Variants in MICU1 observed in about 807,000 individuals in gnomAD.
MICU1 encodes the protein calcium uptake protein 1, mitochondrial.
Under a neutral mutation model 56.8 loss-of-function variants are expected in MICU1, and 45 were observed. The ratio of observed to expected loss-of-function variants is 0.79; its 90% CI spans 0.62 to 1.02. MICU1 has a LOEUF of 1.02. Ranked by LOEUF, MICU1 falls within the 50% of genes least tolerant of loss-of-function variation. The probability of loss-of-function intolerance (pLI) is 0.00; values close to 1 mark genes in which losing one functional copy is unlikely to be tolerated. For missense variants in MICU1, 504 were observed against 587.1 expected (o/e 0.86, Z 1.46); for synonymous variants, 186 against 195.1 (o/e 0.95, Z 0.39).
In MICU1 at chr10:72,441,906, C is replaced by G. The variant is rs377067104; in HGVS notation, c.934-18535G>C. ...ATGCTAGGATTATAGGCGTGAGCCA[C>G]CACACCCGGTCTCAAGTCAATATCT... is the stretch of plus-strand genomic sequence containing the variant. On this transcript the variant is annotated intron_variant, in intron 8 of 11. Coordinates refer to ENST00000361114, the MANE Select transcript of MICU1 (RefSeq NM_001195518.2). Among the ~76,000 whole-genome samples, 4 of 152,224 alleles carry G rather than the reference C, an allele frequency of 2.6e-5. No homozygotes were observed. In the East Asian group the frequency reaches 5.8e-4, roughly 22 times the overall value.
chr10:72,502,103 G>C (rs1301398055), intron 6 of MICU1, among the ~76,000 whole-genome samples: 1 of 151,232 alleles, frequency 6.6e-6, no homozygotes, highest in African/African-American at 2.4e-5. Context: ...CAAAATGATG[G>C]CGATTTCTTG....
intron 8 of MICU1, among the ~76,000 whole-genome samples, chr10:72,433,871 C>T (rs543234611): frequency 3.3e-5 from 5 of 152,120 alleles, no homozygotes; most frequent in South Asian, 2.1e-4. Flanking sequence ...CAATCAATGA[C>T]GATGATTAAA....
At chr10:72,475,387 T>G in intron 7 of MICU1, 90 bp from the exon 8 acceptor site, 2 of 1,200,976 alleles carry the variant, frequency 1.7e-6, no homozygotes, top group Non-Finnish European at 2.3e-6. Flanking sequence ...TATTGTTTAC[T>G]ATTTGCCTAC....
intron 4 of MICU1, among the ~76,000 whole-genome samples, chr10:72,536,403 G>C (rs1283762072): frequency 1.3e-5 from 2 of 152,084 alleles, no homozygotes; most frequent in African/African-American, 4.8e-5. Context: ...CTGGAGTGCA[G>C]TGGCATGATC....
chr10:72,570,855 G>A (rs755471461), intron 1 of MICU1, among the ~76,000 whole-genome samples: 1 of 151,462 alleles, frequency 6.6e-6, no homozygotes, highest in African/African-American at 2.4e-5. Flanking sequence ...CTTCCTGTCT[G>A]GCAACTTCTG....
intron 8 of MICU1, 36 bp downstream of exon 8, chr10:72,475,064 C>T: frequency 6.4e-7 from 1 of 1,565,714 alleles, no homozygotes; most frequent in South Asian, 1.2e-5. Context: ...ATCAGTTCCA[C>T]ATGTGATGGA....
chr10:72,510,983 T>C (rs112307431), intron 5 of MICU1, among the ~76,000 whole-genome samples: 4,201 of 152,312 alleles, frequency 0.028, 182 homozygotes, highest in African/African-American at 0.095. Context: ...ATTTCCTTTA[T>C]AGCTATTTTC....
chr10:72,601,035 AG>A (rs1241719370), intron 1 of MICU1, among the ~76,000 whole-genome samples: 2 of 152,218 alleles, frequency 1.3e-5, no homozygotes, highest in Non-Finnish European at 2.9e-5. Flanking sequence ...TGATCAGGAA[AG>A]GGTACACAGG....
chr10:72,407,479 A>C (rs574756734), intron 10 of MICU1, among the ~76,000 whole-genome samples: 15 of 152,334 alleles, frequency 9.8e-5, no homozygotes, highest in African/African-American at 3.4e-4. Context: ...CTATGAAGTA[A>C]GCCAAAGGAG....
chr10:72,434,861 A>G (rs1475697242), intron 8 of MICU1, among the ~76,000 whole-genome samples: 4 of 152,160 alleles, frequency 2.6e-5, no homozygotes, highest in Non-Finnish European at 5.9e-5. Flanking sequence ...ATCAGCATTC[A>G]TAAGAGAGTT....
Position 72,577,367 on chromosome 10 carries a change from G to A in MICU1, c.-1-10573C>T, listed in dbSNP as rs141700486. On this transcript the variant is annotated intron_variant, in intron 1 of 11. Coordinates refer to ENST00000361114, the MANE Select transcript of MICU1 (RefSeq NM_001195518.2). ...TCTACTAAAAATACAAAATTAGCCA[G>A]GCATGGTGGCACATGCCTGTAATCC... Among the ~76,000 whole-genome samples the A allele has an allele frequency of 7.6e-3, 1,163 of 152,100 alleles. 17 individuals are homozygous for A. The highest frequency in any genetic ancestry group is 0.026 in the African/African-American group (1,098 of 41,478).
In MICU1 at chr10:72,463,156, C is replaced by T. The variant is rs371283470; in HGVS notation, c.933+11944G>A. ...TCGGCTCACTGCAACCTCCGCCTTC[C>T]GGGTTCAAGCGATTGTCCTGCCTCA... On this transcript the variant is annotated intron_variant, in intron 8 of 11. Coordinates refer to ENST00000361114, the MANE Select transcript of MICU1 (RefSeq NM_001195518.2). Among the ~76,000 whole-genome samples, 189 of 152,158 alleles carry T rather than the reference C, an allele frequency of 1.2e-3. 3 individuals carry two copies. The South Asian group carries it at 0.037, about 30-fold the overall frequency.
chr10:72,412,012 A>T (rs907166092), intron 9 of MICU1, among the ~76,000 whole-genome samples: 27 of 152,316 alleles, frequency 1.8e-4, no homozygotes, highest in African/African-American at 6.5e-4. Flanking sequence ...CTTACTAATC[A>T]CTTATCATTA....
At position 72,566,840 on chromosome 10, in the gene MICU1, T is replaced by C. The variant is rs374349794; in HGVS notation, c.-1-46A>G. Reference sequence around the variant, plus strand: ...TGTCACTCTTAGCTAGTGGTAGTTATGATGATGATGATGATGATCCTACCA... The same window carrying C: ...TGTCACTCTTAGCTAGTGGTAGTTACGATGATGATGATGATGATCCTACCA... On this transcript the variant is annotated intron_variant, in intron 1 of 11. Transcript: ENST00000361114. 1.2e-4 allele frequency: 144 copies of C among 1,154,622 alleles called. No individual in the cohort carries two copies. The African/African-American group carries it at 2.1e-3, about 17-fold the overall frequency. 71.5% of individuals were successfully genotyped at this position (1,154,622 alleles called of 1,614,324 possible).
intron 1 of MICU1, among the ~76,000 whole-genome samples, chr10:72,622,864 G>A (rs914998736): frequency 2.6e-5 from 4 of 152,030 alleles, no homozygotes; most frequent in Admixed American, 6.6e-5. Context: ...TATCTTAAAA[G>A]TATTAACAAT....
chr10:72,370,902 G>A (rs543186040), intron 11 of MICU1, among the ~76,000 whole-genome samples: 1 of 151,892 alleles, frequency 6.6e-6, no homozygotes, highest in Non-Finnish European at 1.5e-5. Flanking sequence ...ATGGTGGTGG[G>A]CGCCTGTAAT....
intron 5 of MICU1, among the ~76,000 whole-genome samples, chr10:72,516,223 A>AG (rs1867640946): frequency 6.6e-6 from 1 of 152,116 alleles, no homozygotes; most frequent in Non-Finnish European, 1.5e-5. Context: ...TTTGTTGGCC[A>AG]CAGAAATGCC....
intron 1 of MICU1, among the ~76,000 whole-genome samples, chr10:72,576,440 A>G (rs1422642650): frequency 6.6e-6 from 1 of 152,238 alleles, no homozygotes; most frequent in Non-Finnish European, 1.5e-5. Context: ...TGGTCTAGAC[A>G]GAAGATCAAA....
chr10:72,423,107 A>G lies in MICU1; in HGVS notation c.1071+127T>C, dbSNP rs554491368. ...TCTTTTCTCCCTACGGACCTCAGGT[A>G]CCAGAAATGAATTAGGTGTAATCAT... On this transcript the variant is annotated intron_variant, in intron 9 of 11. Coordinates refer to ENST00000361114, the MANE Select transcript of MICU1 (RefSeq NM_001195518.2). The G allele has an allele frequency of 9.4e-6, 12 of 1,270,142 alleles. No homozygotes were observed. The African/African-American group carries it at 1.5e-4, about 16-fold the overall frequency. The allele number at this position is 1,270,142 out of a possible 1,614,324, so 78.7% of individuals were successfully genotyped here.
Sources: allele counts gnomAD v4.1 joint callset (sites outside exome capture counted in the v4.1 genomes callset), GRCh38; gene constraint gnomAD v4.1.1; transcripts MANE v1.5; gene names NCBI Gene and HGNC (gene_info 2026-07-23, HGNC 2026-07-21).